Variants in SLC24A3 observed in about 807,000 individuals in gnomAD.
SLC24A3 encodes sodium/potassium/calcium exchanger 3.
SLC24A3 carries 28 observed loss-of-function variants against 75.8 expected under a neutral mutation model. That is an observed-to-expected ratio of 0.37 (90% CI 0.27 to 0.51). The LOEUF (loss-of-function observed/expected upper bound fraction) is 0.51. SLC24A3 is among the 20% of genes least tolerant of loss of function. The pLI is 0.94. For missense variants in SLC24A3, 663 were observed against 847.8 expected (o/e 0.78, Z 2.71); for synonymous variants, 372 against 334.1 (o/e 1.11, Z -1.24).
At chr20:19,643,616 A>G (rs955104603) in intron 6 of SLC24A3, among the ~76,000 whole-genome samples, 61 of 152,240 alleles carry the variant, frequency 4.0e-4, no homozygotes, top group African/African-American at 1.4e-3. Flanking sequence ...ATAATATTAT[A>G]GACATCAAAT....
intron 1 of SLC24A3, among the ~76,000 whole-genome samples, chr20:19,260,800 G>T (rs973941548): frequency 6.6e-6 from 1 of 152,188 alleles, no homozygotes; most frequent in Non-Finnish European, 1.5e-5. Flanking sequence ...TATGAGATGT[G>T]GTTACTGGAG....
chr20:19,328,798 G>C (rs142382026), intron 2 of SLC24A3, among the ~76,000 whole-genome samples: 13 of 152,294 alleles, frequency 8.5e-5, no homozygotes, highest in African/African-American at 2.4e-4. Flanking sequence ...AGATACCAAG[G>C]GGGGACTGGG....
At chr20:19,682,882 G>A (rs2032631238) in intron 10 of SLC24A3, among the ~76,000 whole-genome samples, 2 of 152,104 alleles carry the variant, frequency 1.3e-5, no homozygotes, top group African/African-American at 4.8e-5. Flanking sequence ...AAATTAGATG[G>A]TGCTCTCAAA....
intron 1 of SLC24A3, among the ~76,000 whole-genome samples, chr20:19,252,721 G>A (rs1192626517): frequency 6.7e-6 from 1 of 150,140 alleles, no homozygotes; most frequent in African/African-American, 2.5e-5. Context: ...ATGTGACTTT[G>A]TCTCACTGGA....
intron 2 of SLC24A3, among the ~76,000 whole-genome samples, chr20:19,409,435 T>G (rs570950301): frequency 6.6e-6 from 1 of 152,224 alleles, no homozygotes; most frequent in South Asian, 2.1e-4. Flanking sequence ...ATGCATGACC[T>G]GAGAAGGAGG....
At chr20:19,230,347 A>T (rs1450025797) in intron 1 of SLC24A3, among the ~76,000 whole-genome samples, 2 of 151,958 alleles carry the variant, frequency 1.3e-5, no homozygotes, top group Non-Finnish European at 2.9e-5. Flanking sequence ...CTGAGAGGGG[A>T]TCTCCTGCTC....
Position 19,721,478 on chromosome 20 carries a change from C to T in SLC24A3, c.*338C>T, listed in dbSNP as rs972042741. ...CAGGCAACACTGATTCCAATCCCTC[C>T]TCCTTTTTTAAGTTATTTGATGGAA... On this transcript the variant is annotated 3_prime_UTR_variant, in exon 17 of 17. Coordinates refer to ENST00000328041, the MANE Select transcript of SLC24A3 (RefSeq NM_020689.4). 23 of 231,290 alleles carry T rather than the reference C, an allele frequency of 9.9e-5. No homozygotes were observed. The highest frequency in any genetic ancestry group is 4.8e-4 in the African/African-American group (21 of 44,042). 14.3% of individuals were successfully genotyped at this position (231,290 alleles called of 1,614,324 possible). A position where few individuals can be genotyped will look rare whatever the true frequency, so the allele number is the denominator to read the frequency against.
intron 2 of SLC24A3, among the ~76,000 whole-genome samples, chr20:19,397,068 C>G (rs1353205277): frequency 1.3e-5 from 2 of 152,196 alleles, no homozygotes; most frequent in Non-Finnish European, 2.9e-5. Context: ...TAAGCATACA[C>G]TAGACACTTT....
intron 2 of SLC24A3, among the ~76,000 whole-genome samples, chr20:19,448,336 C>G (rs936844578): frequency 6.6e-6 from 1 of 152,226 alleles, no homozygotes. Flanking sequence ...TTTGCATACT[C>G]TGTCTTTTAA....
At chr20:19,317,167 A>G (rs1268376676) in intron 2 of SLC24A3, among the ~76,000 whole-genome samples, 1 of 152,210 alleles carries the variant, frequency 6.6e-6, no homozygotes, top group Non-Finnish European at 1.5e-5. Flanking sequence ...ACAAAAATCA[A>G]TTCCAGATGG....
rs574489898 is a variant in SLC24A3 at position 19,698,469 on chromosome 20, C to G, written c.1607-99C>G. 1.7e-4 allele frequency: 130 copies of G among 753,714 alleles called. No individual in the cohort carries two copies. In the Admixed American group the frequency reaches 2.2e-3, roughly 13 times the overall value. The allele number at this position is 753,714 out of a possible 1,614,324, so 46.7% of individuals were successfully genotyped here. A position where few individuals can be genotyped will look rare whatever the true frequency, so the allele number is the denominator to read the frequency against. ...AAAGAGAAGCACATATGTGAGCTTG[C>G]AGAACCACTCTCTGGCTGTGAGACT... On this transcript the variant is annotated intron_variant, in intron 14 of 16. Transcript: ENST00000328041.
intron 1 of SLC24A3, among the ~76,000 whole-genome samples, chr20:19,271,055 GA>G (rs1983316116): frequency 6.6e-6 from 1 of 152,192 alleles, no homozygotes; most frequent in Admixed American, 6.5e-5. Flanking sequence ...ACCATCACAA[GA>G]AAGGCAGGCT....
intron 1 of SLC24A3, among the ~76,000 whole-genome samples, chr20:19,230,585 C>G (rs1028523488): frequency 6.8e-6 from 1 of 147,160 alleles, no homozygotes; most frequent in Admixed American, 7.0e-5. Flanking sequence ...TTTCCGGGAA[C>G]TGGGGTCTCT....
At chr20:19,346,797 A>G (rs1985438846) in intron 2 of SLC24A3, among the ~76,000 whole-genome samples, 2 of 152,288 alleles carry the variant, frequency 1.3e-5, no homozygotes, top group East Asian at 1.9e-4. Context: ...TGAAGAAATT[A>G]TTCATGTAAC....
At chr20:19,486,256 C>T (rs913495708) in intron 2 of SLC24A3, among the ~76,000 whole-genome samples, 1 of 152,084 alleles carries the variant, frequency 6.6e-6, no homozygotes, top group African/African-American at 2.4e-5. Context: ...AATTCTGTTC[C>T]TAAATTGTAA....
intron 3 of SLC24A3, among the ~76,000 whole-genome samples, chr20:19,574,437 C>A (rs912282112): frequency 5.9e-5 from 9 of 152,182 alleles, no homozygotes; most frequent in African/African-American, 1.9e-4. Context: ...ATACAATAAA[C>A]AATTCATTGG....
rs570744966 is a variant in SLC24A3, at chr20:19,580,205, C to T, written c.423+131C>T. The T allele has an allele frequency of 6.6e-5, 45 of 686,524 alleles. No individual in the cohort carries two copies. In the East Asian group the frequency reaches 1.1e-3, roughly 16 times the overall value. 42.5% of individuals were successfully genotyped at this position (686,524 alleles called of 1,614,324 possible). Reference sequence around the variant, plus strand: ...CAGCTGCAGCGGGAACACCAGGCATCACCATGTTTGAGAGCAATGGGCAAT... The same window carrying T: ...CAGCTGCAGCGGGAACACCAGGCATTACCATGTTTGAGAGCAATGGGCAAT... On this transcript the variant is annotated intron_variant, in intron 4 of 16. Coordinates refer to ENST00000328041, the MANE Select transcript of SLC24A3 (RefSeq NM_020689.4).
At chr20:19,599,640 G>A (rs1299936788) in intron 6 of SLC24A3, among the ~76,000 whole-genome samples, 1 of 152,178 alleles carries the variant, frequency 6.6e-6, no homozygotes, top group Non-Finnish European at 1.5e-5. Context: ...ACTCTATTCC[G>A]AGCTACGTTT....
intron 2 of SLC24A3, among the ~76,000 whole-genome samples, chr20:19,477,335 T>C (rs917490948): frequency 1.3e-5 from 2 of 152,130 alleles, no homozygotes; most frequent in African/African-American, 2.4e-5. Context: ...TGAGCTTGTG[T>C]GGATGCCACT....
Sources: allele counts gnomAD v4.1 joint callset (sites outside exome capture counted in the v4.1 genomes callset), GRCh38; gene constraint gnomAD v4.1.1; transcripts MANE v1.5; gene names NCBI Gene and HGNC (gene_info 2026-07-23, HGNC 2026-07-21).